DPH1: variants seen among roughly 807,000 people sequenced by gnomAD.
DPH1 encodes the protein 2-(3-amino-3-carboxypropyl)histidine synthase subunit 1.
In DPH1, 59 loss-of-function variants were observed where a neutral mutation model predicts 55.3. That is an observed-to-expected ratio of 1.07 (90% CI 0.87 to 1.33). DPH1 has a LOEUF of 1.33. DPH1 is among the 40% of genes most tolerant of loss of function. The pLI is 0.00. For synonymous variants in DPH1, 238 were observed against 235.5 expected (o/e 1.01, Z -0.10); for missense variants, 628 against 584.8 (o/e 1.07, Z -0.76).
intron 10 of DPH1, 75 bp from the exon 11 acceptor site, chr17:2,041,406 G>C: frequency 6.4e-7 from 1 of 1,551,320 alleles, no homozygotes; most frequent in South Asian, 1.2e-5. Context: ...ACAGGCCGTC[G>C]TGAGGACTGA....
In DPH1 at chr17:2,031,551, G is replaced by A. The variant is rs186520331; in HGVS notation, c.61+1321G>A. On this transcript the variant is annotated intron_variant, in intron 1 of 12. Transcript: ENST00000263083. ...CACTCCAGCCTGGCCAACAGACAGA[G>A]TGAGACTCTGTCTCAAAAAAAAAAA... 1.4e-3 allele frequency among the ~76,000 whole-genome samples: 175 copies of A among 125,058 alleles called. 1 individual carries two copies. Among genetic ancestry groups the A allele is most frequent in the Middle Eastern group, 9.1e-3 (2 of 220 alleles). The allele number at this position is 125,058 out of a possible 152,430, so 82.0% of individuals were successfully genotyped here.
At chr17:2,037,063 C>T (rs1174929290) in intron 6 of DPH1, 107 bp downstream of exon 6, 3 of 1,473,926 alleles carry the variant, frequency 2.0e-6, no homozygotes, top group Middle Eastern at 1.8e-4. Flanking sequence ...TGCTCCTTAC[C>T]TGTGAGCCCG....
At chr17:2,033,420 C>A (rs750390385) in intron 1 of DPH1, 85 bp from the exon 2 acceptor site, 2 of 1,599,498 alleles carry the variant, frequency 1.3e-6, no homozygotes, top group South Asian at 2.2e-5. Flanking sequence ...GGGGCACCGG[C>A]AGGCCCTGAA....
Position 2,041,549 on chromosome 17 carries a change from C to G in DPH1, c.1155C>G (p.Ser385=). 1 of 1,612,858 alleles carries G rather than the reference C, an allele frequency of 6.2e-7. No homozygotes were observed. The highest frequency in any genetic ancestry group is 8.5e-7 in the Non-Finnish European group (1 of 1,179,778). The change falls in exon 11 of 13, where the codon TCC becomes TCG. Residue 385 remains serine, a synonymous_variant. Transcript: ENST00000263083. ...PYPMDFYAGS[S]LGPWTVNHGQ... ...CGATGGACTTCTACGCTGGCAGCTC[C>G]TTGGGGCCCTGGACGGTGAACCACG... is the stretch of plus-strand genomic sequence containing the variant.
rs1307853859 is a variant in DPH1 at position 2,033,672 on chromosome 17, A to G, written c.214+15A>G. 6.2e-7 allele frequency: 1 copy of G among 1,613,798 alleles called. No individual in the cohort carries two copies. The highest frequency in any genetic ancestry group is 8.5e-7 in the Non-Finnish European group (1 of 1,179,748). On this transcript the variant is annotated intron_variant, in intron 2 of 12. Transcript: ENST00000263083. ...GGCCAAGAAGGGTGAGCCTGTGATC[A>G]TTGAGCTGGGGTTGGGGTGGAGAGG...
chr17:2,039,709 C>A (rs748945938), intron 6 of DPH1, 46 bp from the exon 7 acceptor site: 4 of 1,613,376 alleles, frequency 2.5e-6, no homozygotes, highest in East Asian at 4.5e-5. Flanking sequence ...GCGAGTGCCT[C>A]TTCTGCTGCC....
At chr17:2,039,619 C>T (rs529637265) in intron 6 of DPH1, 136 bp from the exon 7 acceptor site, 46 of 957,486 alleles carry the variant, frequency 4.8e-5, no homozygotes, top group African/African-American at 4.2e-4. Flanking sequence ...CCTCATGATC[C>T]GCCCGCCTCG....
intron 1 of DPH1, among the ~76,000 whole-genome samples, chr17:2,032,709 T>C (rs1339607642): frequency 6.6e-6 from 1 of 152,206 alleles, no homozygotes. Flanking sequence ...AGACCTAAAC[T>C]TCCTGATGGC....
rs747800911 is a variant in DPH1 at position 2,036,190 on chromosome 17, A to G, written c.400+99A>G. The G allele has an allele frequency of 7.5e-5, 114 of 1,527,166 alleles. No homozygotes were observed. Among genetic ancestry groups the G allele is most frequent in the Non-Finnish European group, 9.5e-5 (108 of 1,135,528 alleles). The allele number at this position is 1,527,166 out of a possible 1,614,324, so 94.6% of individuals were successfully genotyped here. ...GGCAGTGCCTTCTTGTCCTGCTTGG[A>G]GACACAAGGTCCCTCCTGGTTTCTG... On this transcript the variant is annotated intron_variant, in intron 4 of 12. Transcript: ENST00000263083. This position sits in a 1 kb window ranked among gnomAD's most constrained non-coding sequence, Gnocchi z 4.8.
chr17:2,034,481 G>T (rs1343393909), intron 3 of DPH1, among the ~76,000 whole-genome samples: 2 of 73,834 alleles, frequency 2.7e-5, no homozygotes, highest in Non-Finnish European at 5.5e-5. Flanking sequence ...GCCCTCCCCT[G>T]CTCCTCCCTC....
At chr17:2,033,914 G>T in intron 3 of DPH1, 72 bp downstream of exon 3, 1 of 1,577,466 alleles carries the variant, frequency 6.3e-7, no homozygotes, top group Non-Finnish European at 8.7e-7. Flanking sequence ...ACCCGGGTGG[G>T]TAAAGCCCTG....
chr17:2,038,633 C>T (rs1441706160), intron 6 of DPH1, among the ~76,000 whole-genome samples: 2 of 152,144 alleles, frequency 1.3e-5, no homozygotes, highest in Non-Finnish European at 2.9e-5. Flanking sequence ...TTTATGAGAT[C>T]CTAATGCCTG....
intron 12 of DPH1, 36 bp downstream of exon 12, chr17:2,041,911 G>A: frequency 1.3e-6 from 2 of 1,543,164 alleles, no homozygotes; most frequent in East Asian, 2.4e-5. Flanking sequence ...CCCGCCTTTT[G>A]CCGTTGTCAT....
At chr17:2,030,293 G>C (rs1248414760) in intron 1 of DPH1, 63 bp downstream of exon 1, 2 of 1,511,840 alleles carry the variant, frequency 1.3e-6, no homozygotes, top group Non-Finnish European at 1.8e-6. Flanking sequence ...CCAAGTTAGG[G>C]ACAGGACCAA....
chr17:2,035,921 C>G, intron 3 of DPH1, 49 bp from the exon 4 acceptor site: 1 of 1,611,844 alleles, frequency 6.2e-7, no homozygotes, highest in Non-Finnish European at 8.5e-7. Flanking sequence ...TCTCTCCTAC[C>G]TCAGTCCCTG....
In DPH1 at chr17:2,036,619, G is replaced by A. The variant is rs761683075; in HGVS notation, c.491G>A (p.Arg164His). The change falls in exon 5 of 13, where the codon CGC becomes CAC. Residue 164 changes from arginine to histidine, a missense_variant. Physicochemically the swap from Arg to His is conservative, Grantham distance 29. Coordinates refer to ENST00000263083, the MANE Select transcript of DPH1 (RefSeq NM_001383.6). The surrounding 1 kb of genome is among the most constrained non-coding windows in gnomAD (Gnocchi z 4.8). Reference protein sequence around the residue: ...IDTTHLLDSLRLTFPPATALA... With the variant: ...IDTTHLLDSLHLTFPPATALA... ...ACTACACACCTCCTGGACTCTCTCC[G>A]CCTCACCTTTCCCCCAGCCACTGCC... 6.2e-6 allele frequency: 10 copies of A among 1,614,070 alleles called. No homozygotes were observed. Among genetic ancestry groups the A allele is most frequent in the East Asian group, 2.2e-5 (1 of 44,864 alleles).
intron 1 of DPH1, among the ~76,000 whole-genome samples, chr17:2,032,933 C>T (rs556767298): frequency 4.6e-5 from 7 of 152,136 alleles, no homozygotes; most frequent in South Asian, 2.1e-4. Flanking sequence ...AGTATTTCCC[C>T]GTGTTAGCCA....
Position 2,036,635 on chromosome 17 carries a change from A to G in DPH1, c.507A>G (p.Pro169=), listed in dbSNP as rs758268406. Reference sequence around the variant, plus strand: ...ACTCTCTCCGCCTCACCTTTCCCCCAGCCACTGCCCTTGCCCTGGTCAGCA... The same window carrying G: ...ACTCTCTCCGCCTCACCTTTCCCCCGGCCACTGCCCTTGCCCTGGTCAGCA... ...LLDSLRLTFP[P]ATALALVSTI... is the part of the protein sequence containing the mutation. The change falls in exon 5 of 13, where the codon CCA becomes CCG. Residue 169 remains proline, a synonymous_variant. Transcript: ENST00000263083. This position sits in a 1 kb window ranked among gnomAD's most constrained non-coding sequence, Gnocchi z 4.8. 3 of 1,613,900 alleles carry G rather than the reference A, an allele frequency of 1.9e-6. No homozygotes were observed. The highest frequency in any genetic ancestry group is 4.5e-5 in the East Asian group (2 of 44,884).
In DPH1 at chr17:2,041,773, G is replaced by A. The variant is rs1276329058; in HGVS notation, c.1233G>A (p.Gln411=). 1.9e-6 allele frequency: 3 copies of A among 1,605,410 alleles called. No homozygotes were observed. Among genetic ancestry groups the A allele is most frequent in the South Asian group, 2.2e-5 (2 of 89,894 alleles). The change falls in exon 12 of 13, where the codon CAG becomes CAA. Residue 411 remains glutamine (Q), a synonymous_variant. Coordinates refer to ENST00000263083, the MANE Select transcript of DPH1 (RefSeq NM_001383.6). ...APGRPARGKV[Q]EGSARPPSAV... is the part of the protein sequence containing the mutation. ...ACCAAAGTCTGCGACCTCAGGTGCA[G>A]GAGGGGTCCGCGCGTCCCCCTTCGG...
Sources: allele counts gnomAD v4.1 joint callset (sites outside exome capture counted in the v4.1 genomes callset), GRCh38; gene constraint gnomAD v4.1.1; non-coding constraint Gnocchi (gnomAD v3.1); transcripts MANE v1.5; gene names NCBI Gene and HGNC (gene_info 2026-07-23, HGNC 2026-07-21).